The following NAP1L1 variants were observed in gnomAD, a reference collection of about 807,000 sequenced individuals.
The protein encoded by NAP1L1 is nucleosome assembly protein 1 like 1.
A neutral mutation model predicts 58.9 loss-of-function variants in NAP1L1; 9 were observed. The observed-to-expected ratio is 0.15, with a 90% confidence interval of 0.09 to 0.27. The LOEUF is 0.27. Ranked by LOEUF, NAP1L1 falls within the 10% of genes least tolerant of loss-of-function variation. The probability of loss-of-function intolerance (pLI) is 1.00; values close to 1 mark genes in which losing one functional copy is unlikely to be tolerated. For missense variants in NAP1L1, 302 were observed against 458.8 expected (o/e 0.66, Z 3.12); for synonymous variants, 130 against 138.3 (o/e 0.94, Z 0.42).
At chr12:76,064,335 A>G (rs1350657009) in intron 4 of NAP1L1, among the ~76,000 whole-genome samples, 1 of 152,246 alleles carries the variant, frequency 6.6e-6, no homozygotes, top group Non-Finnish European at 1.5e-5. Flanking sequence ...AAAAACTGTC[A>G]GGTCAAACAG....
intron 1 of NAP1L1, among the ~76,000 whole-genome samples, chr12:76,075,618 T>C (rs1258023529): frequency 3.3e-5 from 5 of 152,210 alleles, no homozygotes; most frequent in Admixed American, 6.5e-5. Flanking sequence ...GATGAATTTT[T>C]CTAGTGATGC....
intron 3 of NAP1L1, chr12:76,068,670 C>G: frequency 2.6e-6 from 1 of 378,078 alleles, no homozygotes; most frequent in South Asian, 5.0e-5. Flanking sequence ...CCAAGTCACT[C>G]CAACAGTGCA....
chr12:76,074,383 A>C (rs1950096879), intron 1 of NAP1L1, 144 bp from the exon 2 acceptor site: 2 of 1,322,968 alleles, frequency 1.5e-6, no homozygotes, highest in Non-Finnish European at 1.9e-6. Context: ...AGTGTTAAGA[A>C]GAAAAAACTC....
intron 2 of NAP1L1, among the ~76,000 whole-genome samples, chr12:76,069,941 A>G (rs917559913): frequency 3.3e-5 from 5 of 152,182 alleles, no homozygotes; most frequent in Non-Finnish European, 4.4e-5. Context: ...TCCTGTGTAA[A>G]TTTTTTATTT....
rs1167698791 is a variant in NAP1L1, at chr12:76,047,647, C to G, written c.*782G>C. The stretch of plus-strand genomic sequence containing the variant: ...GCAAAAACAAAAACAAGCAAACAAA[C>G]AACAAATAACTTGAAAATAGGCTTG... On this transcript the variant is annotated 3_prime_UTR_variant, in exon 15 of 15. Transcript: ENST00000618691. The G allele has an allele frequency of 6.6e-6, 1 of 151,842 alleles. No individual in the cohort carries two copies. Among genetic ancestry groups the G allele is most frequent in the Non-Finnish European group, 1.5e-5 (1 of 67,878 alleles). 9.4% of individuals were successfully genotyped at this position (151,842 alleles called of 1,614,324 possible).
chr12:76,082,054 T>C (rs917983270), intron 1 of NAP1L1, among the ~76,000 whole-genome samples: 3 of 151,838 alleles, frequency 2.0e-5, no homozygotes, highest in African/African-American at 4.9e-5. Context: ...GAGAACACAA[T>C]TACAGGTTTG....
chr12:76,080,093 C>G (rs1013056220), intron 1 of NAP1L1, among the ~76,000 whole-genome samples: 1 of 152,152 alleles, frequency 6.6e-6, no homozygotes, highest in Non-Finnish European at 1.5e-5. Flanking sequence ...TGACATAAGG[C>G]TAAGAAACCA....
At chr12:76,078,003 G>GAAAA (rs1565749743) in intron 1 of NAP1L1, among the ~76,000 whole-genome samples, 18 of 135,830 alleles carry the variant, frequency 1.3e-4, no homozygotes, top group East Asian at 4.3e-4. Flanking sequence ...AAAAAAAAAG[G>GAAAA]AAAAGAATTA....
At chr12:76,068,579 A>T (rs1445365850) in intron 3 of NAP1L1, 1 of 185,016 alleles carries the variant, frequency 5.4e-6, no homozygotes, top group Non-Finnish European at 1.1e-5. Context: ...CACTAAACAT[A>T]CTGTTATAAG....
chr12:76,062,970 T>A (rs1192047663), intron 4 of NAP1L1, among the ~76,000 whole-genome samples: 1 of 152,068 alleles, frequency 6.6e-6, no homozygotes, highest in African/African-American at 2.4e-5. Context: ...AAAGAAACAC[T>A]GAAATAAAGA....
At position 76,075,892 on chromosome 12, in the gene NAP1L1, C is replaced by T. The variant is rs143050160; in HGVS notation, c.-20-1653G>A. 2.0e-5 allele frequency among the ~76,000 whole-genome samples: 3 copies of T among 152,214 alleles called. No homozygotes were observed. In the East Asian group the frequency reaches 5.8e-4, roughly 29 times the overall value. On this transcript the variant is annotated intron_variant, in intron 1 of 14. Transcript: ENST00000618691. Reference sequence around the variant, plus strand: ...AAACATGTCCATCTCAGCCAGGCACCATGGCTCACACCTGCAATCCCAGCA... The same window carrying T: ...AAACATGTCCATCTCAGCCAGGCACTATGGCTCACACCTGCAATCCCAGCA...
chr12:76,081,964 A>G (rs1458510427), intron 1 of NAP1L1, among the ~76,000 whole-genome samples: 1 of 152,194 alleles, frequency 6.6e-6, no homozygotes, highest in Non-Finnish European at 1.5e-5. Flanking sequence ...TCTACATCTA[A>G]GCAACCAATT....
At chr12:76,082,677 C>A (rs1237736813) in intron 1 of NAP1L1, among the ~76,000 whole-genome samples, 3 of 152,170 alleles carry the variant, frequency 2.0e-5, no homozygotes, top group Admixed American at 2.0e-4. Flanking sequence ...TTTATTTAAA[C>A]TTGGGCAACT....
intron 2 of NAP1L1, chr12:76,073,848 T>C (rs1950073966): frequency 5.4e-6 from 1 of 185,116 alleles, no homozygotes; most frequent in Non-Finnish European, 1.1e-5. Context: ...ATACATTTTA[T>C]ACACATTTTG....
chr12:76,074,067 C>T (rs1950083022), intron 2 of NAP1L1, 136 bp downstream of exon 2: 2 of 760,148 alleles, frequency 2.6e-6, no homozygotes, highest in East Asian at 2.6e-5. Flanking sequence ...ATACACTGCA[C>T]TAGACTTTTG....
intron 1 of NAP1L1, 86 bp from the exon 2 acceptor site, chr12:76,074,325 A>G (rs1950094701): frequency 7.1e-7 from 1 of 1,401,272 alleles, no homozygotes; most frequent in East Asian, 2.8e-5. Context: ...AATCAATACC[A>G]TACTGAAAAC....
chr12:76,051,938 C>G (rs759353821), intron 11 of NAP1L1, among the ~76,000 whole-genome samples: 1 of 151,792 alleles, frequency 6.6e-6, no homozygotes, highest in East Asian at 1.9e-4. Flanking sequence ...TGCTTGAACC[C>G]GGGAGGCAGA....
chr12:76,066,529 A>T (rs936030877), intron 4 of NAP1L1, among the ~76,000 whole-genome samples: 6 of 152,270 alleles, frequency 3.9e-5, no homozygotes, highest in African/African-American at 1.4e-4. Flanking sequence ...ATGGGCAACG[A>T]AAAAGGTTCA....
chr12:76,058,095 G>A lies in NAP1L1; in HGVS notation c.429+1703C>T, dbSNP rs73385460. The stretch of plus-strand genomic sequence containing the variant: ...GGAAAAACAGACAGAAGTAGATGAT[G>A]ACAGCATCGAAGATCTTGGAGAAGA... On this transcript the variant is annotated intron_variant, in intron 6 of 14. Transcript: ENST00000618691. 5.1e-3 allele frequency: 3,804 copies of A among 753,010 alleles called. 91 individuals carry two copies. In the African/African-American group the frequency reaches 0.057, roughly 11 times the overall value. The allele number at this position is 753,010 out of a possible 1,614,324, so 46.6% of individuals were successfully genotyped here.
Sources: gnomAD v4.1 joint callset for allele counts (sites outside exome capture counted in the v4.1 genomes callset) on GRCh38, gnomAD v4.1.1 for gene constraint, MANE v1.5 for transcripts, NCBI Gene and HGNC (gene_info 2026-07-23, HGNC 2026-07-21) for gene names.